ABHD3: variants seen among roughly 807,000 people sequenced by gnomAD.
The protein encoded by ABHD3 is phospholipase ABHD3.
ABHD3 carries 46 observed loss-of-function variants against 48.8 expected under a neutral mutation model. The ratio of observed to expected loss-of-function variants is 0.94; its 90% CI spans 0.74 to 1.20. The LOEUF (loss-of-function observed/expected upper bound fraction) is 1.20. Ranked by LOEUF, ABHD3 falls within the 50% of genes most tolerant of loss-of-function variation. The pLI is 0.00. For missense variants in ABHD3, 490 were observed against 497.8 expected (o/e 0.98, Z 0.15); for synonymous variants, 192 against 183.7 (o/e 1.04, Z -0.36).
At chr18:21,668,046 C>A (rs1417096360) in intron 4 of ABHD3, among the ~76,000 whole-genome samples, 3 of 151,092 alleles carry the variant, frequency 2.0e-5, no homozygotes, top group African/African-American at 7.3e-5. Context: ...ACTAAAAATA[C>A]AAAAATTAGC....
chr18:21,703,354 T>G (rs1377708758), intron 2 of ABHD3, among the ~76,000 whole-genome samples: 1 of 151,632 alleles, frequency 6.6e-6, no homozygotes, highest in Non-Finnish European at 1.5e-5. Context: ...AATAAACCAT[T>G]TACATCAGGT....
chr18:21,698,483 G>A lies in ABHD3; in HGVS notation c.509+3833C>T, dbSNP rs931286170. ...ATTACAGGCTTGAGCCACCACACCC[G>A]GCCTATAAAACATTTTCTACCCTGG... On this transcript the variant is annotated intron_variant, in intron 3 of 8. Transcript: ENST00000289119. 3.3e-5 allele frequency among the ~76,000 whole-genome samples: 5 copies of A among 151,796 alleles called. No individual in the cohort carries two copies. In the East Asian group the frequency reaches 7.8e-4, roughly 24 times the overall value.
chr18:21,677,000 A>G (rs953806133), intron 4 of ABHD3, among the ~76,000 whole-genome samples: 1 of 152,160 alleles, frequency 6.6e-6, no homozygotes, highest in African/African-American at 2.4e-5. Context: ...GAATATTTTT[A>G]TCACACCAAA....
intron 3 of ABHD3, among the ~76,000 whole-genome samples, chr18:21,695,807 C>T (rs189029262): frequency 2.6e-4 from 40 of 152,240 alleles, no homozygotes; most frequent in African/African-American, 9.4e-4. Context: ...GCCAATCTTG[C>T]TCCTTTCTGA....
chr18:21,683,782 A>T, intron 4 of ABHD3, 138 bp downstream of exon 4: 1 of 822,818 alleles, frequency 1.2e-6, no homozygotes, highest in Non-Finnish European at 1.7e-6. Flanking sequence ...CTTTTTTTCC[A>T]TATCTGTATT....
chr18:21,673,923 A>G (rs2039815282), intron 4 of ABHD3, among the ~76,000 whole-genome samples: 2 of 152,030 alleles, frequency 1.3e-5, no homozygotes, highest in African/African-American at 2.4e-5. Context: ...GTATTTTTCA[A>G]TGCTTCCCAG....
At chr18:21,664,433 A>G (rs1404090059) in intron 4 of ABHD3, 1 of 501,266 alleles carries the variant, frequency 2.0e-6, no homozygotes, top group Non-Finnish European at 3.4e-6. Context: ...TAGAGTTGGC[A>G]CTAACAAAAA....
intron 5 of ABHD3, 93 bp from the exon 6 acceptor site, chr18:21,659,436 G>A (rs2039433766): frequency 7.8e-7 from 1 of 1,285,016 alleles, no homozygotes; most frequent in South Asian, 1.5e-5. Flanking sequence ...TAACTATGGA[G>A]AAGAAAAATA....
chr18:21,666,690 TA>T (rs2146294475), intron 4 of ABHD3, among the ~76,000 whole-genome samples: 2 of 152,298 alleles, frequency 1.3e-5, no homozygotes, highest in South Asian at 4.1e-4. Context: ...TACACTGCAG[TA>T]GACACTTAAA....
chr18:21,682,892 C>T (rs958546946), intron 4 of ABHD3: 1 of 152,156 alleles, frequency 6.6e-6, no homozygotes, highest in South Asian at 2.1e-4. Context: ...AATGAGAAAA[C>T]GTGAACCTTC....
chr18:21,653,861 G>A (rs1389424500), intron 8 of ABHD3, among the ~76,000 whole-genome samples: 1 of 147,982 alleles, frequency 6.8e-6, no homozygotes, highest in Non-Finnish European at 1.5e-5. Flanking sequence ...TTTTTTTTGA[G>A]ATGGAATTTC....
chr18:21,671,806 T>C (rs2039763545), intron 4 of ABHD3, among the ~76,000 whole-genome samples: 1 of 152,146 alleles, frequency 6.6e-6, no homozygotes, highest in Non-Finnish European at 1.5e-5. Context: ...TTTATTATCA[T>C]TATTATTTTT....
At position 21,704,574 on chromosome 18, in the gene ABHD3, C is replaced by A. The variant is rs752366126; in HGVS notation, c.92G>T (p.Gly31Val). The A allele has an allele frequency of 3.2e-6, 5 of 1,545,036 alleles. No homozygotes were observed. The highest frequency in any genetic ancestry group is 2.0e-5 in the Admixed American group (1 of 50,078). ...HQVRVGFFGS[G>V]VGLSLILGFS... ...GCCCAGGATAAGGGATAAGCCCACC[C>A]CCGAGCCGAAGAACCCCACCCGGAC... Residue 31 changes from glycine (G) to valine (V), a missense_variant, in exon 1 of 9, where the codon GGG becomes GTG. By Grantham distance (109) the Gly-to-Val change is moderately radical. Transcript: ENST00000289119.
chr18:21,684,695 T>C (rs2040091814), intron 3 of ABHD3, among the ~76,000 whole-genome samples: 1 of 152,154 alleles, frequency 6.6e-6, no homozygotes, highest in Admixed American at 6.5e-5. Context: ...TACGTATCTA[T>C]TTATATTCTA....
chr18:21,672,799 T>TAAATA (rs1415703896), intron 4 of ABHD3, among the ~76,000 whole-genome samples: 1 of 152,162 alleles, frequency 6.6e-6, no homozygotes, highest in Non-Finnish European at 1.5e-5. Context: ...TACTTGCACA[T>TAAATA]AAATAAAACC....
intron 1 of ABHD3, among the ~76,000 whole-genome samples, chr18:21,704,165 G>C (rs1185279395): frequency 6.6e-6 from 1 of 152,248 alleles, no homozygotes; most frequent in Non-Finnish European, 1.5e-5. Context: ...GAGATTACAG[G>C]CGTGAGCCAC....
chr18:21,690,418 A>G (rs1372108109), intron 3 of ABHD3, among the ~76,000 whole-genome samples: 2 of 152,050 alleles, frequency 1.3e-5, no homozygotes, highest in East Asian at 3.9e-4. Flanking sequence ...CCTGGCCAAC[A>G]TGGTGAAACC....
chr18:21,685,329 G>T (rs1374937356), intron 3 of ABHD3, among the ~76,000 whole-genome samples: 2 of 152,082 alleles, frequency 1.3e-5, no homozygotes, highest in African/African-American at 4.8e-5. Flanking sequence ...CTCTTCTCAG[G>T]GAGTTTAGAT....
intron 3 of ABHD3, among the ~76,000 whole-genome samples, chr18:21,690,006 T>C (rs766208968): frequency 1.7e-4 from 25 of 150,664 alleles, no homozygotes; most frequent in Admixed American, 1.3e-4. Flanking sequence ...ACTCAAGAGA[T>C]AACCTAACTG....
Sources: gnomAD v4.1 joint callset for allele counts (sites outside exome capture counted in the v4.1 genomes callset) on GRCh38, gnomAD v4.1.1 for gene constraint, MANE v1.5 for transcripts, NCBI Gene and HGNC (gene_info 2026-07-23, HGNC 2026-07-21) for gene names.